Variants in MEGF6 observed in about 807,000 individuals in gnomAD.
MEGF6 encodes multiple EGF like domains 6.
MEGF6 carries 184 observed loss-of-function variants against 207.1 expected under a neutral mutation model. That is an observed-to-expected ratio of 0.89 (90% confidence interval 0.79 to 1.00). The LOEUF (loss-of-function observed/expected upper bound fraction) is 1.00, where lower values mean the gene tolerates loss of function less well. Ranked by LOEUF, MEGF6 falls within the 50% of genes least tolerant of loss-of-function variation. MEGF6 has a pLI of 0.00. For missense variants in MEGF6, 2,282 were observed against 2,202.9 expected, an observed-to-expected ratio of 1.04 and a Z score of -0.72; for synonymous variants, 1,038 against 910.0, an observed-to-expected ratio of 1.14 and a Z score of -2.53.
intron 14 of MEGF6, among the ~76,000 whole-genome samples, chr1:3,506,636 G>A (rs554021447): frequency 2.6e-5 from 4 of 152,306 alleles, no homozygotes; most frequent in Admixed American, 6.5e-5. Flanking sequence ...GGCCCAAGCC[G>A]CAGGTGGCCC....
chr1:3,520,617 C>T (rs555254422), intron 5 of MEGF6, among the ~76,000 whole-genome samples: 149 of 152,164 alleles, frequency 9.8e-4, no homozygotes, highest in African/African-American at 3.2e-3. Context: ...CAGGACTCGG[C>T]GGCCAGGGCA....
intron 4 of MEGF6, among the ~76,000 whole-genome samples, chr1:3,563,697 A>G (rs1046520272): frequency 6.6e-6 from 1 of 152,218 alleles, no homozygotes; most frequent in African/African-American, 2.4e-5. Context: ...CACCCCTAAG[A>G]AAGAGAGACG....
chr1:3,602,430 T>A, intron 2 of MEGF6, 36 bp downstream of exon 2: 1 of 1,612,540 alleles, frequency 6.2e-7, no homozygotes. Flanking sequence ...TTTGTGTGAA[T>A]GGAGCCCCTC....
intron 8 of MEGF6, 135 bp downstream of exon 8, chr1:3,511,871 C>A: frequency 6.8e-7 from 1 of 1,477,436 alleles, no homozygotes; most frequent in Non-Finnish European, 9.1e-7. Flanking sequence ...ACCCTCTGCT[C>A]ACCAAGGGCT....
At chr1:3,526,078 G>A (rs1016031069) in intron 4 of MEGF6, among the ~76,000 whole-genome samples, 31 of 152,208 alleles carry the variant, frequency 2.0e-4, no homozygotes, top group Admixed American at 7.2e-4. Flanking sequence ...GGGGACAGAC[G>A]GAGCTGTGCA....
rs1415442152 is a variant in MEGF6, at chr1:3,501,363, CAACAT to C, written c.2315-60_2315-56del. On this transcript the variant is annotated intron_variant, in intron 18 of 36. Transcript: ENST00000356575. ...CCCAAGCTGCCCTTGCTCAACACATCAACATAACATGGCACGATGCCCCTGGAGCC... is the reference window on the plus strand; with the variant it reads ...CCCAAGCTGCCCTTGCTCAACACATCAACATGGCACGATGCCCCTGGAGCC... 6 of 1,546,192 alleles carry C rather than the reference CAACAT, an allele frequency of 3.9e-6. No homozygotes were observed. The African/African-American group carries it at 8.2e-5, about 21-fold the overall frequency.
At chr1:3,601,575 A>C (rs2101877710) in intron 2 of MEGF6, among the ~76,000 whole-genome samples, 1 of 152,246 alleles carries the variant, frequency 6.6e-6, no homozygotes, top group East Asian at 1.9e-4. Context: ...TGAGATGCTC[A>C]GCAGCATCCC....
At position 3,505,292 on chromosome 1, in the gene MEGF6, G is replaced by A. The variant is rs759373586; in HGVS notation, c.2104C>T (p.Pro702Ser). The change falls in exon 17 of 37, where the codon CCA becomes TCA. Residue 702 changes from proline (P) to serine (S), a missense_variant. By Grantham distance (74) the Pro-to-Ser change is moderately conservative. Transcript: ENST00000356575. ...ACGGAGTCACAGGCCACGCCCACTG[G>A]GCAGGTGCATGCCTGCCAGCACCCC... ...GPGCWQACTCPVGVACDSVSG... is the reference protein window; with the variant it reads ...GPGCWQACTCSVGVACDSVSG... The A allele has an allele frequency of 6.2e-7, 1 of 1,612,288 alleles. No homozygotes were observed. The highest frequency in any genetic ancestry group is 8.5e-7 in the Non-Finnish European group (1 of 1,179,716).
At chr1:3,491,624 C>T (rs1640368929) in intron 35 of MEGF6, among the ~76,000 whole-genome samples, 1 of 152,074 alleles carries the variant, frequency 6.6e-6, no homozygotes, top group South Asian at 2.1e-4. Context: ...GTGTGAAATC[C>T]CCAGTTAGCC....
chr1:3,578,286 C>T (rs1330454083), intron 4 of MEGF6, among the ~76,000 whole-genome samples: 1 of 152,232 alleles, frequency 6.6e-6, no homozygotes, highest in Admixed American at 6.5e-5. Context: ...AGTCAAGCGG[C>T]GCACATTGCC....
At chr1:3,506,447 C>T (rs769632910) in intron 14 of MEGF6, among the ~76,000 whole-genome samples, 4 of 152,134 alleles carry the variant, frequency 2.6e-5, no homozygotes, top group African/African-American at 7.2e-5. Flanking sequence ...GTGGCAAGGG[C>T]GGGTGGAAGA....
At chr1:3,518,991 A>G (rs1404742160) in intron 5 of MEGF6, among the ~76,000 whole-genome samples, 1 of 152,226 alleles carries the variant, frequency 6.6e-6, no homozygotes, top group Non-Finnish European at 1.5e-5. Flanking sequence ...TCCACACGCC[A>G]AGGGGTCTGA....
intron 1 of MEGF6, among the ~76,000 whole-genome samples, chr1:3,610,486 C>G (rs1217564732): frequency 1.9e-5 from 2 of 104,844 alleles, no homozygotes; most frequent in Non-Finnish European, 3.9e-5. Flanking sequence ...TCCTCCTCCT[C>G]CTCCTCCTCC....
chr1:3,529,274 C>T (rs1044620333), intron 4 of MEGF6, among the ~76,000 whole-genome samples: 3 of 152,116 alleles, frequency 2.0e-5, no homozygotes, highest in African/African-American at 7.2e-5. Context: ...CTGAGGTTAG[C>T]GGGGCCCCAG....
chr1:3,623,070 C>T, the MEGF6 span: 15 of 152,478 alleles, frequency 9.8e-5, no homozygotes, highest in Middle Eastern at 6.8e-3. Context: ...CCCTGGACAT[C>T]TGGTTCCAGG....
At chr1:3,503,100 G>C (rs369803159) in intron 17 of MEGF6, among the ~76,000 whole-genome samples, 1 of 152,130 alleles carries the variant, frequency 6.6e-6, no homozygotes, top group Non-Finnish European at 1.5e-5. Flanking sequence ...GAGGAGCACC[G>C]GTAATACAGG....
At chr1:3,494,562 A>G in intron 31 of MEGF6, 51 bp downstream of exon 31, 1 of 1,562,732 alleles carries the variant, frequency 6.4e-7, no homozygotes. Context: ...ATGGCAGCCC[A>G]GGGCACCTCC....
At chr1:3,566,445 G>A (rs904749947) in intron 4 of MEGF6, among the ~76,000 whole-genome samples, 6 of 152,196 alleles carry the variant, frequency 3.9e-5, no homozygotes, top group Admixed American at 2.0e-4. Context: ...ACAGGACGCC[G>A]GCCAACCTGG....
In MEGF6 at chr1:3,488,351, T is replaced by C. The variant is rs1274820165; in HGVS notation, c.*2177A>G. ...TGTCTTCACTGAGCGGGATGAGTGA[T>C]TGGTACCTGCCAGGCCCCCCGTCCA... On this transcript the variant is annotated 3_prime_UTR_variant, in exon 37 of 37. Coordinates refer to ENST00000356575, the MANE Select transcript of MEGF6 (RefSeq NM_001409.4). Among the ~76,000 whole-genome samples the C allele has an allele frequency of 6.6e-6, 1 of 152,194 alleles. No individual in the cohort carries two copies. The highest frequency in any genetic ancestry group is 1.5e-5 in the Non-Finnish European group (1 of 68,036).
Sources: gnomAD v4.1 joint callset for allele counts (sites outside exome capture counted in the v4.1 genomes callset) on GRCh38, gnomAD v4.1.1 for gene constraint, MANE v1.5 for transcripts, NCBI Gene and HGNC (gene_info 2026-07-23, HGNC 2026-07-21) for gene names.